ANKRD26: variants seen among roughly 807,000 people sequenced by gnomAD.
ANKRD26 encodes the protein ankyrin repeat domain 26.
Under a neutral mutation model 208.7 loss-of-function variants are expected in ANKRD26, and 141 were observed. The ratio of observed to expected loss-of-function variants is 0.68; its 90% confidence interval spans 0.59 to 0.78. The LOEUF (loss-of-function observed/expected upper bound fraction) is 0.78. ANKRD26 is among the 30% of genes least tolerant of loss of function. The pLI is 0.00. For synonymous variants in ANKRD26, 636 were observed against 660.4 expected (o/e 0.96, Z 0.57); for missense variants, 1,889 against 1,938.7 (o/e 0.97, Z 0.48).
chr10:27,073,151 G>C (rs552011466), intron 9 of ANKRD26, among the ~76,000 whole-genome samples: 1 of 152,328 alleles, frequency 6.6e-6, no homozygotes, highest in South Asian at 2.1e-4. Flanking sequence ...CCGCTTGTGG[G>C]AAGTTTCCTT....
At chr10:27,086,219 A>G (rs1040794656) in intron 5 of ANKRD26, among the ~76,000 whole-genome samples, 3 of 152,146 alleles carry the variant, frequency 2.0e-5, no homozygotes, top group Non-Finnish European at 2.9e-5. Flanking sequence ...CTAGTTCATT[A>G]TAATGTAATT....
At chr10:27,050,042 G>A (rs1055853535) in intron 16 of ANKRD26, among the ~76,000 whole-genome samples, 3 of 151,644 alleles carry the variant, frequency 2.0e-5, no homozygotes, top group Admixed American at 2.0e-4. Flanking sequence ...CCAACATGGT[G>A]AAACCCCATC....
In ANKRD26 at chr10:27,045,381, G is replaced by A. The variant is rs145645369; in HGVS notation, c.1985+972C>T. On this transcript the variant is annotated intron_variant, in intron 18 of 33. Coordinates refer to ENST00000376087, the MANE Select transcript of ANKRD26 (RefSeq NM_014915.3). The stretch of plus-strand genomic sequence containing the variant: ...GGAGGTTGCAGTGAGCTGAGATCAC[G>A]TCACTGCACTCCAGTCTGGGCAACG... Among the ~76,000 whole-genome samples, 184 of 149,628 alleles carry A rather than the reference G, an allele frequency of 1.2e-3. 1 individual carries two copies. The highest frequency in any genetic ancestry group is 4.4e-3 in the African/African-American group (178 of 40,596).
chr10:27,005,723 G>A lies in ANKRD26; in HGVS notation c.5000C>T (p.Ala1667Val). The change falls in exon 34 of 34, where the codon GCT becomes GTT. Residue 1667 changes from alanine to valine, a missense_variant and splice_region_variant. By Grantham distance (64) the Ala-to-Val change is moderately conservative (BLOSUM62 0). This residue lies in a region of ANKRD26 where 613 missense variants were observed against 648.2 expected (regional missense o/e 0.95). Transcript: ENST00000376087. The stretch of plus-strand genomic sequence containing the variant: ...TGATCCAGATTCCAATTCAGCAGCA[G>A]CTAGAATGAAAAAGAAAGAATTATA... ...EKNITRELKE[A>V]AAELESGSIA... 6.2e-7 allele frequency: 1 copy of A among 1,605,370 alleles called. No homozygotes were observed. The highest frequency in any genetic ancestry group is 8.5e-7 in the Non-Finnish European group (1 of 1,176,398).
chr10:27,017,013 C>T (rs1329481702), intron 30 of ANKRD26, among the ~76,000 whole-genome samples: 2 of 152,122 alleles, frequency 1.3e-5, no homozygotes, highest in African/African-American at 4.8e-5. Flanking sequence ...CAAAGCAAGA[C>T]TCTGTTTCTA....
Position 27,077,542 on chromosome 10 carries a change from T to C in ANKRD26, c.875-2A>G. The C allele has an allele frequency of 6.2e-7, 1 of 1,613,728 alleles. No homozygotes were observed. The highest frequency in any genetic ancestry group is 2.2e-5 in the East Asian group (1 of 44,854). On this transcript the variant is annotated splice_acceptor_variant, in intron 8 of 33. Coordinates refer to ENST00000376087, the MANE Select transcript of ANKRD26 (RefSeq NM_014915.3). LOFTEE classifies it high-confidence loss of function. ...TCACAGTGCCATATGTTGCTTCTACTACAGTAAAAACAAAATAAAGAGTAA... is the reference window on the plus strand; with the variant it reads ...TCACAGTGCCATATGTTGCTTCTACCACAGTAAAAACAAAATAAAGAGTAA...
At chr10:27,067,528 T>C (rs2055305965) in intron 9 of ANKRD26, among the ~76,000 whole-genome samples, 1 of 152,102 alleles carries the variant, frequency 6.6e-6, no homozygotes, top group Non-Finnish European at 1.5e-5. Flanking sequence ...CTTCTGCTTC[T>C]GGGGAGGCCT....
intron 9 of ANKRD26, among the ~76,000 whole-genome samples, chr10:27,070,318 T>C (rs1162855474): frequency 1.3e-5 from 2 of 151,442 alleles, no homozygotes; most frequent in East Asian, 2.0e-4. Context: ...AAGAACTGCT[T>C]GAACCCAGGA....
chr10:27,070,131 G>A (rs145174273), intron 9 of ANKRD26, among the ~76,000 whole-genome samples: 7 of 146,554 alleles, frequency 4.8e-5, no homozygotes, highest in South Asian at 2.2e-4. Flanking sequence ...AAGGCCAGGC[G>A]TGGTGGCTCA....
At chr10:27,007,749 T>A (rs1429973380) in intron 32 of ANKRD26, among the ~76,000 whole-genome samples, 1 of 152,190 alleles carries the variant, frequency 6.6e-6, no homozygotes, top group Non-Finnish European at 1.5e-5. Context: ...TACAGAATCA[T>A]CAATATATAC....
At chr10:27,049,129 A>G (rs2054561026) in intron 16 of ANKRD26, 150 bp from the exon 17 acceptor site, 4 of 598,882 alleles carry the variant, frequency 6.7e-6, no homozygotes, top group Non-Finnish European at 2.8e-6. Flanking sequence ...GGATCATTGT[A>G]TACATAATTG....
chr10:27,017,503 TGTAAAAATA>T lies in ANKRD26; in HGVS notation c.4496_4504del (p.Leu1499_Leu1501del). On this transcript the variant is annotated inframe_deletion and splice_region_variant, in exon 30 of 34. Coordinates refer to ENST00000376087, the MANE Select transcript of ANKRD26 (RefSeq NM_014915.3). ...AAGGCACACTACACATAAGCTAACC[TGTAAAAATA>T]GATTGACTTCTTTTAATTTTTCTGC... The T allele has an allele frequency of 6.2e-7, 1 of 1,613,290 alleles. No individual in the cohort carries two copies. Among genetic ancestry groups the T allele is most frequent in the Non-Finnish European group, 8.5e-7 (1 of 1,179,746 alleles).
intron 11 of ANKRD26, 169 bp downstream of exon 11, chr10:27,066,318 C>T: frequency 2.1e-6 from 1 of 465,704 alleles, no homozygotes; most frequent in Non-Finnish European, 3.7e-6. Context: ...TACTATGCAG[C>T]AGTAATATAC....
chr10:27,005,926 GA>G, intron 33 of ANKRD26, among the ~76,000 whole-genome samples: 1 of 152,174 alleles, frequency 6.6e-6, no homozygotes, highest in Non-Finnish European at 1.5e-5. Context: ...TTAAATATCA[GA>G]GCTTCTGGCT....
chr10:27,014,814 CA>C, intron 30 of ANKRD26, 103 bp from the exon 31 acceptor site: 1 of 885,598 alleles, frequency 1.1e-6, no homozygotes, highest in Non-Finnish European at 1.8e-6. Context: ...ACCCAAACTC[CA>C]AAAAGAGAAA....
chr10:27,040,201 T>C (rs775216518), intron 20 of ANKRD26, 23 bp from the exon 21 acceptor site: 1 of 1,544,302 alleles, frequency 6.5e-7, no homozygotes, highest in Admixed American at 1.7e-5. Context: ...GAAAACAAGA[T>C]AGAAATATAT....
In ANKRD26 at chr10:27,061,150, G is replaced by C. The variant is rs757854974; in HGVS notation, c.1456C>G (p.His486Asp). ...ACGCATTTTTTTTCCATACCCATGT[G>C]GGCTACTGGCATGCCTACATTTCTT... ...DTRNVGMPVA[H>D]MESPERYLHL... The change falls in exon 13 of 34, where the codon CAC (histidine) becomes GAC (aspartate). Residue 486 changes from histidine (H) to aspartate (D), a missense_variant. By Grantham distance (81) the His-to-Asp change is moderately conservative. Transcript: ENST00000376087. 5.6e-6 allele frequency: 9 copies of C among 1,604,888 alleles called. No homozygotes were observed. The South Asian group carries it at 8.8e-5, about 16-fold the overall frequency.
At chr10:26,956,123 G>A in the ANKRD26 span, among the ~76,000 whole-genome samples, 8 of 152,068 alleles carry the variant, frequency 5.3e-5, no homozygotes, top group Admixed American at 1.3e-4. Flanking sequence ...AGGAAAATAT[G>A]CTTTTGTGAA....
intron 9 of ANKRD26, 83 bp from the exon 10 acceptor site, chr10:27,067,369 C>A: frequency 6.7e-7 from 1 of 1,494,492 alleles, no homozygotes; most frequent in Non-Finnish European, 9.1e-7. Context: ...CTGTATTAGT[C>A]CGTACTTGCA....
Sources: allele counts gnomAD v4.1 joint callset (sites outside exome capture counted in the v4.1 genomes callset), GRCh38; gene constraint gnomAD v4.1.1; regional missense constraint gnomAD v4.1.1; transcripts MANE v1.5; gene names NCBI Gene and HGNC (gene_info 2026-07-23, HGNC 2026-07-21).